Variants in CCDC88C observed in about 807,000 individuals in gnomAD.
CCDC88C encodes coiled-coil and HOOK domain protein 88C.
In CCDC88C, 131 loss-of-function variants were observed where a neutral mutation model predicts 198.8. That is an observed-to-expected ratio of 0.66 (90% CI 0.57 to 0.76). CCDC88C has a LOEUF of 0.76. Ranked by LOEUF, CCDC88C falls within the 30% of genes least tolerant of loss-of-function variation. The pLI, the probability that CCDC88C is intolerant of heterozygous loss-of-function variation, is 0.00. For missense variants in CCDC88C, 2,553 were observed against 2,631.6 expected, an observed-to-expected ratio of 0.97 and a Z score of 0.65; for synonymous variants, 1,166 against 1,114.7, an observed-to-expected ratio of 1.05 and a Z score of -0.92.
In CCDC88C at chr14:91,325,777, T is replaced by C; in HGVS notation, c.1197+133A>G. 3.7e-6 allele frequency: 3 copies of C among 813,466 alleles called. No individual in the cohort carries two copies. In the South Asian group the frequency reaches 5.7e-5, roughly 16 times the overall value. The allele number at this position is 813,466 out of a possible 1,614,324, so 50.4% of individuals were successfully genotyped here. On this transcript the variant is annotated intron_variant, in intron 11 of 29. Transcript: ENST00000389857. This position sits in a 1 kb window ranked among gnomAD's most constrained non-coding sequence, Gnocchi z 4.1. ...TTCGTAGAGATGGGGCCTCGCTAGG[T>C]TGCCAGGGTTAGAACTCCTGCGCTC...
At position 91,272,811 on chromosome 14, in the gene CCDC88C, C is replaced by T; in HGVS notation, c.5901G>A (p.Gly1967=). ...RAGLSLSEGD[G]VPGQGCSEGL... Reference sequence around the variant, plus strand: ...CCTCACTGCAGCCCTGCCCCGGGACCCCGTCTCCCTCTGAGAGGCTGAGCC... The same window carrying T: ...CCTCACTGCAGCCCTGCCCCGGGACTCCGTCTCCCTCTGAGAGGCTGAGCC... Residue 1967 remains glycine, a synonymous_variant, in exon 30 of 30, where the codon GGG becomes GGA. Transcript: ENST00000389857. 1 of 1,598,102 alleles carries T rather than the reference C, an allele frequency of 6.3e-7. No individual in the cohort carries two copies. Among genetic ancestry groups the T allele is most frequent in the Non-Finnish European group, 8.5e-7 (1 of 1,172,832 alleles).
At position 91,305,867 on chromosome 14, in the gene CCDC88C, G is replaced by T; in HGVS notation, c.3255C>A (p.Thr1085=). 6.2e-7 allele frequency: 1 copy of T among 1,613,934 alleles called. No homozygotes were observed. Among genetic ancestry groups the T allele is most frequent in the South Asian group, 1.1e-5 (1 of 91,082 alleles). ...TCTGGCTGCTGAAGGTCACGTTCTG[G>T]GTCTCCAGGTGCTGCAGCTGTTCCT... ...LLKEQLQHLE[T]QNVTFSSQIL... The change falls in exon 19 of 30, where the codon ACC becomes ACA. Residue 1085 remains threonine, a synonymous_variant. Transcript: ENST00000389857.
chr14:91,299,373 T>C (rs757955578), intron 21 of CCDC88C, among the ~76,000 whole-genome samples: 4 of 152,194 alleles, frequency 2.6e-5, no homozygotes, highest in Non-Finnish European at 5.9e-5. Context: ...AACCGTGGCA[T>C]TGAAGAGATT....
chr14:91,413,669 G>A (rs1324926797), intron 2 of CCDC88C, among the ~76,000 whole-genome samples: 3 of 152,170 alleles, frequency 2.0e-5, no homozygotes. Context: ...AGCTGAACCT[G>A]TGGGGCTTCC....
chr14:91,363,902 C>T (rs1894419031), intron 3 of CCDC88C, among the ~76,000 whole-genome samples: 2 of 152,240 alleles, frequency 1.3e-5, no homozygotes, highest in South Asian at 4.1e-4. Flanking sequence ...TCCCACGTGG[C>T]ATCAGAACAG....
Position 91,313,537 on chromosome 14 carries a change from C to T in CCDC88C, c.2279G>A (p.Ser760Asn). 6.2e-7 allele frequency: 1 copy of T among 1,610,214 alleles called. No individual in the cohort carries two copies. The highest frequency in any genetic ancestry group is 8.5e-7 in the Non-Finnish European group (1 of 1,179,876). The change falls in exon 15 of 30, where the codon AGC (serine) becomes AAC (asparagine). Residue 760 changes from serine (S) to asparagine (N), a missense_variant. Physicochemically the swap from Ser to Asn is conservative, Grantham distance 46. Around this residue, in one of 2 missense-constraint regions of CCDC88C, gnomAD observed 1,260 missense variants for 1,412.0 expected, o/e 0.89. Coordinates refer to ENST00000389857, the MANE Select transcript of CCDC88C (RefSeq NM_001080414.4). This position sits in a 1 kb window ranked among gnomAD's most constrained non-coding sequence, Gnocchi z 5.2. ...LGKKSERLEL[S>N]YQSVSAENLR... is the part of the protein sequence containing the mutation. The stretch of plus-strand genomic sequence containing the variant: ...GTTCTCAGCGCTCACGCTCTGGTAG[C>T]TGAGCTCCAGGCGCTCTGACTTCTT...
Position 91,335,437 on chromosome 14 carries a change from G to A in CCDC88C, c.1050+2568C>T, listed in dbSNP as rs538379301. Among the ~76,000 whole-genome samples, 4 of 151,844 alleles carry A rather than the reference G, an allele frequency of 2.6e-5. No homozygotes were observed. In the East Asian group the frequency reaches 5.8e-4, roughly 22 times the overall value. On this transcript the variant is annotated intron_variant, in intron 10 of 29. Coordinates refer to ENST00000389857, the MANE Select transcript of CCDC88C (RefSeq NM_001080414.4). ...TGTCTCTCCTGCACGCTGCTTTCTC[G>A]GGCTTCCAGGCCTTTGCTCCTGCCT...
At chr14:91,345,633 C>T (rs368012660) in intron 4 of CCDC88C, among the ~76,000 whole-genome samples, 3 of 152,098 alleles carry the variant, frequency 2.0e-5, no homozygotes, top group South Asian at 2.1e-4. Context: ...TGTGGTGATT[C>T]CCATTTTCCT....
intron 3 of CCDC88C, among the ~76,000 whole-genome samples, chr14:91,393,980 T>C (rs1885685312): frequency 6.6e-6 from 1 of 152,216 alleles, no homozygotes; most frequent in Non-Finnish European, 1.5e-5. Flanking sequence ...GGAGTTTCTG[T>C]CCTTTAAGTA....
chr14:91,322,704 G>T (rs1004395997), intron 12 of CCDC88C, among the ~76,000 whole-genome samples: 2 of 151,982 alleles, frequency 1.3e-5, no homozygotes, highest in Non-Finnish European at 2.9e-5. Flanking sequence ...TTGGATCTGT[G>T]GCATTAGGTA....
Position 91,290,988 on chromosome 14 carries a change from A to G in CCDC88C, c.4202+7T>C. On this transcript the variant is annotated splice_region_variant and intron_variant, in intron 24 of 29. Coordinates refer to ENST00000389857, the MANE Select transcript of CCDC88C (RefSeq NM_001080414.4). ...GTCTTTATGCCACTACACTTAAATC[A>G]ACTCACTTCTTTGGAGGAGGATCAT... is the stretch of plus-strand genomic sequence containing the variant. The G allele has an allele frequency of 6.5e-7, 1 of 1,538,052 alleles. No individual in the cohort carries two copies. Among genetic ancestry groups the G allele is most frequent in the Admixed American group, 1.8e-5 (1 of 55,946 alleles).
chr14:91,332,270 C>G (rs899733191), intron 10 of CCDC88C, among the ~76,000 whole-genome samples: 1 of 152,184 alleles, frequency 6.6e-6, no homozygotes, highest in African/African-American at 2.4e-5. Flanking sequence ...CTGAGGGCAA[C>G]CCCCATGCCC....
chr14:91,411,475 C>G (rs1265806929), intron 2 of CCDC88C, among the ~76,000 whole-genome samples: 1 of 152,154 alleles, frequency 6.6e-6, no homozygotes, highest in Non-Finnish European at 1.5e-5. Context: ...TGCACTTCCC[C>G]AAAAGTTGTC....
intron 3 of CCDC88C, among the ~76,000 whole-genome samples, chr14:91,361,307 C>G (rs991795881): frequency 6.6e-6 from 1 of 152,074 alleles, no homozygotes; most frequent in Non-Finnish European, 1.5e-5. Context: ...GCATAACATG[C>G]GGAATCTCTA....
chr14:91,392,018 T>C (rs1325622056), intron 3 of CCDC88C, among the ~76,000 whole-genome samples: 1 of 152,108 alleles, frequency 6.6e-6, no homozygotes, highest in Admixed American at 6.5e-5. Flanking sequence ...AACATACACT[T>C]GGATCTCAAA....
At chr14:91,383,765 T>C (rs931337087) in intron 3 of CCDC88C, among the ~76,000 whole-genome samples, 14 of 152,166 alleles carry the variant, frequency 9.2e-5, no homozygotes, top group African/African-American at 3.1e-4. Flanking sequence ...ATTACCCACA[T>C]TGTGCTGTGA....
intron 3 of CCDC88C, among the ~76,000 whole-genome samples, chr14:91,385,374 G>A (rs77899999): frequency 9.4e-5 from 14 of 149,124 alleles, no homozygotes; most frequent in East Asian, 4.0e-4. Flanking sequence ...ATCAGGCCTC[G>A]ATTCTGACAG....
chr14:91,364,169 G>A (rs1270482753), intron 3 of CCDC88C, among the ~76,000 whole-genome samples: 4 of 152,224 alleles, frequency 2.6e-5, no homozygotes, highest in African/African-American at 4.8e-5. Context: ...TCTTGTCACC[G>A]GTCCTTGTGG....
chr14:91,315,898 C>T lies in CCDC88C; in HGVS notation c.1528-111G>A, dbSNP rs758100061. 12 of 1,103,164 alleles carry T rather than the reference C, an allele frequency of 1.1e-5. 1 individual carries two copies. Among genetic ancestry groups the T allele is most frequent in the Non-Finnish European group, 1.4e-5 (11 of 769,276 alleles). 68.3% of individuals were successfully genotyped at this position (1,103,164 alleles called of 1,614,324 possible). A position where few individuals can be genotyped will look rare whatever the true frequency, so the allele number is the denominator to read the frequency against. On this transcript the variant is annotated intron_variant, in intron 13 of 29. Transcript: ENST00000389857. ...CAGAATGCACTGATGGGTCTTTTCT[C>T]AAGGGAAGACCTCCTGACATCATTC...
Sources: gnomAD v4.1 joint callset for allele counts (sites outside exome capture counted in the v4.1 genomes callset) on GRCh38, gnomAD v4.1.1 for gene constraint, gnomAD v4.1.1 regional missense constraint, Gnocchi (gnomAD v3.1) non-coding constraint, MANE v1.5 for transcripts, NCBI Gene and HGNC (gene_info 2026-07-23, HGNC 2026-07-21) for gene names.